Variants in FGF13 observed in about 807,000 individuals in gnomAD.
The protein encoded by FGF13 is fibroblast growth factor homologous factor 2.
In FGF13, 2 loss-of-function variants were observed where a neutral mutation model predicts 19.5. That is an observed-to-expected ratio of 0.10 (90% CI 0.04 to 0.32). The LOEUF (loss-of-function observed/expected upper bound fraction) is 0.32, where lower values mean the gene tolerates loss of function less well. FGF13 is among the 10% of genes least tolerant of loss of function. The pLI, the probability that FGF13 is intolerant of heterozygous loss-of-function variation, is 1.00. For missense variants in FGF13, 113 were observed against 192.7 expected (o/e 0.59, Z 2.45); for synonymous variants, 72 against 76.9 (o/e 0.94, Z 0.33).
chrX:138,968,546 A>C (rs1319716864), intron 1 of FGF13, among the ~76,000 whole-genome samples: 1 of 112,040 alleles, frequency 8.9e-6, no homozygotes, highest in African/African-American at 3.2e-5. Context: ...TTTCCTGACT[A>C]AGTGCTACAA....
intron 3 of FGF13, among the ~76,000 whole-genome samples, chrX:138,759,925 G>A (rs898233950): frequency 1.2e-4 from 13 of 111,435 alleles, no homozygotes; most frequent in Admixed American, 1.1e-3. Context: ...TATACCTAAC[G>A]ATTAGCACCA....
chrX:138,850,342 C>T (rs1224283506), intron 3 of FGF13, among the ~76,000 whole-genome samples: 1 of 111,120 alleles, frequency 9.0e-6, no homozygotes, highest in African/African-American at 3.3e-5. Flanking sequence ...TGTTTGCTGC[C>T]ATAAGGTAGG....
chrX:139,063,641 T>A (rs1341129288), intron 1 of FGF13, among the ~76,000 whole-genome samples: 1 of 111,701 alleles, frequency 9.0e-6, no homozygotes, highest in African/African-American at 3.3e-5. Flanking sequence ...GACAATAAGG[T>A]TTTGTTTTCT....
chrX:138,907,498 T>G (rs2091564388), intron 1 of FGF13, among the ~76,000 whole-genome samples: 1 of 111,217 alleles, frequency 9.0e-6, no homozygotes, highest in Admixed American at 9.5e-5. Flanking sequence ...GGCCTAGGCA[T>G]TGCACTCCTG....
chrX:138,743,595 T>C (rs773425930), upstream of FGF13, among the ~76,000 whole-genome samples: 197 of 111,416 alleles, frequency 1.8e-3, no homozygotes, highest in African/African-American at 5.2e-3. Flanking sequence ...AGTGGGTGGA[T>C]ATTTCTAGTG....
chrX:138,685,287 T>C (rs961754845), intron 3 of FGF13, among the ~76,000 whole-genome samples: 29 of 111,236 alleles, frequency 2.6e-4, no homozygotes, highest in African/African-American at 8.8e-4. Flanking sequence ...TTGAGAATTC[T>C]ACACGAGATT....
intron 1 of FGF13, among the ~76,000 whole-genome samples, chrX:139,128,685 T>G (rs953898512): frequency 8.9e-6 from 1 of 112,145 alleles, no homozygotes; most frequent in Non-Finnish European, 1.9e-5. Flanking sequence ...AATATGAAAA[T>G]TGCCCACCTT....
chrX:139,126,956 G>A (rs977157473), intron 1 of FGF13, among the ~76,000 whole-genome samples: 5 of 111,250 alleles, frequency 4.5e-5, no homozygotes, highest in African/African-American at 1.3e-4. Flanking sequence ...TCCCCAACTC[G>A]CGACACCACA....
intron 1 of FGF13, among the ~76,000 whole-genome samples, chrX:138,931,867 A>G (rs2091703034): frequency 1.8e-5 from 2 of 112,148 alleles, no homozygotes; most frequent in Admixed American, 1.9e-4. Flanking sequence ...AGATAAAAAC[A>G]AATAAGTATA....
chrX:138,857,899 T>C (rs2091267774), intron 2 of FGF13, among the ~76,000 whole-genome samples: 1 of 112,322 alleles, frequency 8.9e-6, no homozygotes, highest in African/African-American at 3.2e-5. Flanking sequence ...CCTCTGTTGC[T>C]AGTACAATGA....
At chrX:138,943,383 A>G (rs1386171633) in intron 1 of FGF13, among the ~76,000 whole-genome samples, 2 of 112,558 alleles carry the variant, frequency 1.8e-5, no homozygotes, top group Non-Finnish European at 3.8e-5. Flanking sequence ...CACGGCAACT[A>G]AAGCCCTGCA....
chrX:139,013,213 G>A (rs1403264437), intron 1 of FGF13, among the ~76,000 whole-genome samples: 3 of 109,599 alleles, frequency 2.7e-5, no homozygotes, highest in Non-Finnish European at 5.7e-5. Flanking sequence ...CTGGAATGTG[G>A]CAAATAGGGA....
At chrX:138,815,113 T>A (rs991711845) in intron 3 of FGF13, among the ~76,000 whole-genome samples, 1 of 111,152 alleles carries the variant, frequency 9.0e-6, no homozygotes, top group African/African-American at 3.3e-5. Flanking sequence ...CTGCTTGATA[T>A]CACTTATATA....
At chrX:138,710,680 C>T (rs1290582422) in intron 1 of FGF13, 137 bp downstream of exon 1, 1 of 1,051,244 alleles carries the variant, frequency 9.5e-7, no homozygotes, top group Non-Finnish European at 1.3e-6. Flanking sequence ...CGCCTTCCCA[C>T]GCACGCACAC....
chrX:139,090,234 C>T lies in FGF13; in HGVS notation c.-113+113182G>A, dbSNP rs147675647. On this transcript the variant is annotated intron_variant, in intron 1 of 2. Transcript: ENST00000421460. Reference sequence around the variant, plus strand: ...AACAATGCATCTGCAAAGTAAGTTTCCAGTAGAGATTCCCATAGATCAAGA... The same window carrying T: ...AACAATGCATCTGCAAAGTAAGTTTTCAGTAGAGATTCCCATAGATCAAGA... Among the ~76,000 whole-genome samples the T allele has an allele frequency of 5.1e-3, 567 of 111,694 alleles. 3 individuals are homozygous for T. The highest frequency in any genetic ancestry group is 9.8e-3 in the South Asian group (26 of 2,656).
intron 4 of FGF13, among the ~76,000 whole-genome samples, chrX:138,633,645 T>C (rs1290613645): frequency 1.8e-5 from 2 of 112,015 alleles, no homozygotes; most frequent in African/African-American, 3.2e-5. Context: ...TATTGTGCTA[T>C]AAATAAACAT....
chrX:138,640,389 GT>G (rs1232943030), intron 3 of FGF13, among the ~76,000 whole-genome samples: 1 of 112,038 alleles, frequency 8.9e-6, no homozygotes, highest in African/African-American at 3.2e-5. Flanking sequence ...GCCAGAAAAC[GT>G]TTTTTCCCCC....
chrX:138,657,714 C>T (rs1224956633), intron 3 of FGF13, among the ~76,000 whole-genome samples: 1 of 111,823 alleles, frequency 8.9e-6, no homozygotes, highest in Non-Finnish European at 1.9e-5. Flanking sequence ...CACACTTGAT[C>T]TTAGCCAAAA....
intron 1 of FGF13, among the ~76,000 whole-genome samples, chrX:138,924,713 C>T (rs141853565): frequency 9.1e-6 from 1 of 109,657 alleles, no homozygotes; most frequent in African/African-American, 3.3e-5. Flanking sequence ...GAATGACATA[C>T]AGTAGTATGC....
Sources: allele counts gnomAD v4.1 joint callset (sites outside exome capture counted in the v4.1 genomes callset), GRCh38; gene constraint gnomAD v4.1.1; transcripts MANE v1.5; gene names NCBI Gene and HGNC (gene_info 2026-07-23, HGNC 2026-07-21).